SSH1: variants seen among roughly 807,000 people sequenced by gnomAD.
SSH1 encodes protein phosphatase Slingshot homolog 1.
SSH1 carries 43 observed loss-of-function variants against 79.7 expected under a neutral mutation model. That is an observed-to-expected ratio of 0.54 (90% CI 0.42 to 0.70). The LOEUF is 0.70. Among genes scored for constraint, SSH1 ranks in the 30% least tolerant of loss-of-function variants. SSH1 has a pLI of 0.00. For missense variants in SSH1, 1,206 were observed against 1,358.8 expected (o/e 0.89, Z 1.77); for synonymous variants, 599 against 538.3 (o/e 1.11, Z -1.56).
At chr12:108,836,203 T>C (rs2038625942) in intron 2 of SSH1, among the ~76,000 whole-genome samples, 2 of 151,872 alleles carry the variant, frequency 1.3e-5, no homozygotes, top group Non-Finnish European at 2.9e-5. Flanking sequence ...TGCATCAGAA[T>C]TGAAGGTACC....
chr12:108,800,719 C>T (rs993593616), intron 12 of SSH1, 61 bp downstream of exon 12: 10 of 1,598,302 alleles, frequency 6.3e-6, no homozygotes, highest in Non-Finnish European at 7.7e-6. Flanking sequence ...CTCGTTCATT[C>T]CCACTCTCCC....
At chr12:108,847,041 C>T (rs1321257628) in intron 2 of SSH1, among the ~76,000 whole-genome samples, 7 of 152,116 alleles carry the variant, frequency 4.6e-5, no homozygotes, top group African/African-American at 1.4e-4. Context: ...GGACTACAGG[C>T]GTGCGCCACC....
At chr12:108,791,464 C>G (rs1049588665) in intron 14 of SSH1, among the ~76,000 whole-genome samples, 3 of 152,122 alleles carry the variant, frequency 2.0e-5, no homozygotes, top group African/African-American at 7.2e-5. Context: ...CATACTGGAG[C>G]ATTTATGAAT....
At chr12:108,845,741 G>C (rs2038885978) in intron 2 of SSH1, among the ~76,000 whole-genome samples, 2 of 152,210 alleles carry the variant, frequency 1.3e-5, no homozygotes, top group Non-Finnish European at 2.9e-5. Flanking sequence ...GTGGTAACTT[G>C]TCATGCAGCA....
At chr12:108,826,144 T>C (rs777392364) in intron 2 of SSH1, 62 of 455,618 alleles carry the variant, frequency 1.4e-4, no homozygotes, top group South Asian at 9.1e-4. Context: ...CCATTAACGA[T>C]GACCTTTGCC....
intron 7 of SSH1, among the ~76,000 whole-genome samples, 188 bp downstream of exon 7, chr12:108,809,505 T>C (rs2037466058): frequency 6.6e-6 from 1 of 150,680 alleles, no homozygotes; most frequent in African/African-American, 2.4e-5. Flanking sequence ...ATTGTGAATA[T>C]ACTTAATGCC....
At chr12:108,851,570 A>G (rs1235072965) in intron 2 of SSH1, among the ~76,000 whole-genome samples, 1 of 152,232 alleles carries the variant, frequency 6.6e-6, no homozygotes. Context: ...AATATAACAA[A>G]GGGCTGAATC....
At chr12:108,802,493 G>A in intron 10 of SSH1, 125 bp from the exon 11 acceptor site, 1 of 786,420 alleles carries the variant, frequency 1.3e-6, no homozygotes, top group Non-Finnish European at 2.2e-6. Context: ...TGGCCTCAGA[G>A]AACAGAGAGA....
At chr12:108,846,484 C>T (rs2038901493) in intron 2 of SSH1, among the ~76,000 whole-genome samples, 1 of 152,218 alleles carries the variant, frequency 6.6e-6, no homozygotes, top group Admixed American at 6.5e-5. Context: ...AACGGCACAG[C>T]TTCCAAAGAG....
At chr12:108,828,762 A>G (rs1354957574) in intron 2 of SSH1, among the ~76,000 whole-genome samples, 1 of 152,190 alleles carries the variant, frequency 6.6e-6, no homozygotes, top group Non-Finnish European at 1.5e-5. Context: ...CATAGAGGCT[A>G]AGGAGTTCTG....
chr12:108,789,776 G>T (rs891286432), intron 14 of SSH1, among the ~76,000 whole-genome samples: 2 of 152,118 alleles, frequency 1.3e-5, no homozygotes, highest in African/African-American at 4.8e-5. Context: ...AAGGAGGAGG[G>T]CACCCCCCTA....
chr12:108,852,958 C>T (rs1174525611), intron 1 of SSH1: 22 of 985,286 alleles, frequency 2.2e-5, no homozygotes, highest in Non-Finnish European at 2.7e-5. Flanking sequence ...GGTGTTGTTA[C>T]CCAGCACGGT....
Position 108,785,679 on chromosome 12 carries a change from C to T in SSH1, c.*2309G>A, listed in dbSNP as rs1402665410. On this transcript the variant is annotated 3_prime_UTR_variant, in exon 15 of 15. Coordinates refer to ENST00000326495, the MANE Select transcript of SSH1 (RefSeq NM_018984.4). The stretch of plus-strand genomic sequence containing the variant: ...TCTCCAGATTCCACACCCCACCCCC[C>T]AACTCTTTAGATAAGAAAAATTATG... 3.9e-5 allele frequency: 6 copies of T among 152,104 alleles called. No homozygotes were observed. In the East Asian group the frequency reaches 9.6e-4, roughly 24 times the overall value. The allele number at this position is 152,104 out of a possible 1,614,324, so 9.4% of individuals were successfully genotyped here.
Position 108,807,868 on chromosome 12 carries a change from A to G in SSH1, c.537-41T>C, listed in dbSNP as rs1361445522. On this transcript the variant is annotated intron_variant, in intron 7 of 14. Coordinates refer to ENST00000326495, the MANE Select transcript of SSH1 (RefSeq NM_018984.4). This position sits in a 1 kb window ranked among gnomAD's most constrained non-coding sequence, Gnocchi z 5.2. ...GACAGGGTCAGGCCTGGGAAGGCAC[A>G]AGAGATGCAGGGTTTTCTCCTCTGA... The G allele has an allele frequency of 6.3e-7, 1 of 1,594,760 alleles. No homozygotes were observed. Among genetic ancestry groups the G allele is most frequent in the East Asian group, 2.2e-5 (1 of 44,754 alleles).
At position 108,806,295 on chromosome 12, in the gene SSH1, T is replaced by A; in HGVS notation, c.825+6A>T. ...TGACCTGCAATGAAGGGAGGAGTTGTCTTACCTCTTTGGAAGTCACATTTT... is the reference window on the plus strand; with the variant it reads ...TGACCTGCAATGAAGGGAGGAGTTGACTTACCTCTTTGGAAGTCACATTTT... On this transcript the variant is annotated splice_donor_region_variant and intron_variant, in intron 9 of 14. Coordinates refer to ENST00000326495, the MANE Select transcript of SSH1 (RefSeq NM_018984.4). 1 of 1,613,868 alleles carries A rather than the reference T, an allele frequency of 6.2e-7. No individual in the cohort carries two copies. The highest frequency in any genetic ancestry group is 1.1e-5 in the South Asian group (1 of 91,076).
At chr12:108,851,232 T>C (rs915536137) in intron 2 of SSH1, among the ~76,000 whole-genome samples, 1 of 152,190 alleles carries the variant, frequency 6.6e-6, no homozygotes, top group Non-Finnish European at 1.5e-5. Context: ...CCTACCCACA[T>C]AATCTTTAGA....
intron 1 of SSH1, among the ~76,000 whole-genome samples, chr12:108,855,102 A>G (rs1203050461): frequency 6.6e-6 from 1 of 152,214 alleles, no homozygotes; most frequent in Non-Finnish European, 1.5e-5. Flanking sequence ...TAGACACAAC[A>G]CAAATGTCCA....
Position 108,852,670 on chromosome 12 carries a change from A to G in SSH1, c.78T>C (p.Ala26=). ...TTAATTTTCGATCTTCTTCGCTGCC[A>G]GCCTCCAACTACAGAGAAAGAAAGA... ...SSSASNSELE[A]GSEEDRKLNL... Residue 26 remains alanine, a synonymous_variant, in exon 2 of 15, where the codon GCT becomes GCC. Coordinates refer to ENST00000326495, the MANE Select transcript of SSH1 (RefSeq NM_018984.4). 1 of 1,614,204 alleles carries G rather than the reference A, an allele frequency of 6.2e-7. No individual in the cohort carries two copies. Among genetic ancestry groups the G allele is most frequent in the Non-Finnish European group, 8.5e-7 (1 of 1,180,036 alleles).
chr12:108,823,964 A>G (rs1007367075), intron 2 of SSH1, among the ~76,000 whole-genome samples: 4 of 152,128 alleles, frequency 2.6e-5, no homozygotes, highest in African/African-American at 9.7e-5. Flanking sequence ...ACGCCCAGCC[A>G]TAACATTTTC....
Sources: gnomAD v4.1 joint callset for allele counts (sites outside exome capture counted in the v4.1 genomes callset) on GRCh38, gnomAD v4.1.1 for gene constraint, Gnocchi (gnomAD v3.1) non-coding constraint, MANE v1.5 for transcripts, NCBI Gene and HGNC (gene_info 2026-07-23, HGNC 2026-07-21) for gene names.